Variants in RBBP8 observed in about 807,000 individuals in gnomAD.
The protein encoded by RBBP8 is RB binding protein 8, endonuclease, also known as DNA endonuclease RBBP8.
In RBBP8, 88 loss-of-function variants were observed where a neutral mutation model predicts 108.3. The observed-to-expected ratio is 0.81, with a 90% CI of 0.68 to 0.97. The LOEUF is 0.97. RBBP8 is among the 50% of genes least tolerant of loss of function. The probability of loss-of-function intolerance (pLI) is 0.00; values close to 1 mark genes in which losing one functional copy is unlikely to be tolerated. For synonymous variants in RBBP8, 332 were observed against 348.2 expected (o/e 0.95, Z 0.52); for missense variants, 1,023 against 1,049.0 (o/e 0.98, Z 0.34).
chr18:22,916,377 G>A (rs189676738), intron 2 of RBBP8, among the ~76,000 whole-genome samples: 169 of 152,048 alleles, frequency 1.1e-3, no homozygotes, highest in African/African-American at 3.9e-3. Context: ...TCATTTTTGA[G>A]TTAAGAAATG....
chr18:22,978,482 GC>G (rs1335675953), intron 6 of RBBP8, among the ~76,000 whole-genome samples: 1 of 151,684 alleles, frequency 6.6e-6, no homozygotes, highest in Non-Finnish European at 1.5e-5. Flanking sequence ...CTTAGTTTGG[GC>G]ACCTCTAGTT....
intron 4 of RBBP8, among the ~76,000 whole-genome samples, chr18:22,967,029 A>G (rs1913663496): frequency 6.6e-6 from 1 of 152,022 alleles, no homozygotes; most frequent in Non-Finnish European, 1.5e-5. Context: ...CTCTGCCAAC[A>G]CTTAAATACT....
chr18:23,016,841 C>T lies in RBBP8; in HGVS notation c.2371C>T (p.Gln791Ter). The change falls in exon 17 of 19, where the codon CAA (glutamine) becomes TAA (stop). Residue 791 changes from glutamine (Q) to a stop codon, truncating the protein, a stop_gained. Transcript: ENST00000327155. LOFTEE classifies it high-confidence loss of function. ...TTTTTCCCCCAGAGAGACTAGCTTGCAAAATTTTCCTCATATTGAGGTGGT... is the reference window on the plus strand; with the variant it reads ...TTTTTCCCCCAGAGAGACTAGCTTGTAAAATTTTCCTCATATTGAGGTGGT... ...FKGDERETSLQNFPHIEVVRK... is the reference protein window; with the variant it reads ...FKGDERETSL The T allele has an allele frequency of 1.2e-6, 2 of 1,613,256 alleles. No homozygotes were observed. Among genetic ancestry groups the T allele is most frequent in the Non-Finnish European group, 1.7e-6 (2 of 1,179,472 alleles).
upstream of RBBP8, among the ~76,000 whole-genome samples, chr18:22,932,077 G>A (rs1344025564): frequency 6.6e-6 from 1 of 152,122 alleles, no homozygotes; most frequent in Non-Finnish European, 1.5e-5. Flanking sequence ...CTTGGATATG[G>A]AAGTTAGGGA....
At chr18:23,021,887 C>T (rs2046351232) in intron 17 of RBBP8, among the ~76,000 whole-genome samples, 1 of 151,464 alleles carries the variant, frequency 6.6e-6, no homozygotes, top group Non-Finnish European at 1.5e-5. Flanking sequence ...CATTGTGATA[C>T]AAGCTCCTTT....
At chr18:22,951,542 C>A (rs918794052) in intron 4 of RBBP8, among the ~76,000 whole-genome samples, 5 of 152,172 alleles carry the variant, frequency 3.3e-5, no homozygotes, top group African/African-American at 1.2e-4. Context: ...GGAGGAGTTT[C>A]CCCTACCAAC....
Position 22,991,064 on chromosome 18 carries a change from G to A in RBBP8, c.920+15G>A, listed in dbSNP as rs773083095. On this transcript the variant is annotated intron_variant, in intron 10 of 18. Transcript: ENST00000327155. Reference sequence around the variant, plus strand: ...GATAGTTTAAGGTAATTAAGGGCACGTTGGTGAAAACTGATAAGCTATTGG... The same window carrying A: ...GATAGTTTAAGGTAATTAAGGGCACATTGGTGAAAACTGATAAGCTATTGG... 9.0e-6 allele frequency: 14 copies of A among 1,561,996 alleles called. No homozygotes were observed. Among genetic ancestry groups the A allele is most frequent in the South Asian group, 4.5e-5 (4 of 89,540 alleles).
chr18:23,006,909 G>A (rs57933377), intron 16 of RBBP8, among the ~76,000 whole-genome samples: 23,327 of 151,846 alleles, frequency 0.15, 2,278 homozygotes, highest in African/African-American at 0.28. Flanking sequence ...GCATAAAAAC[G>A]ACAAATTTTA....
chr18:22,930,163 C>T (rs1300271856), upstream of RBBP8, among the ~76,000 whole-genome samples: 1 of 152,158 alleles, frequency 6.6e-6, no homozygotes, highest in Admixed American at 6.5e-5. Context: ...TAAATTGGTG[C>T]CTAGATATAC....
At position 22,993,062 on chromosome 18, in the gene RBBP8, T is replaced by G; in HGVS notation, c.1235T>G (p.Ile412Arg). 2 of 1,612,798 alleles carry G rather than the reference T, an allele frequency of 1.2e-6. No homozygotes were observed. The highest frequency in any genetic ancestry group is 1.7e-6 in the Non-Finnish European group (2 of 1,178,996). ...AAACAGATACTTATAAATAAAAATATAAGTGAATCCCTAGGTGAACAGAAT... is the reference window on the plus strand; with the variant it reads ...AAACAGATACTTATAAATAAAAATAGAAGTGAATCCCTAGGTGAACAGAAT... Reference protein sequence around the residue: ...SNKQILINKNISESLGEQNRT... With the variant: ...SNKQILINKNRSESLGEQNRT... Residue 412 changes from isoleucine to arginine, a missense_variant, in exon 11 of 19, where the codon ATA becomes AGA. By Grantham distance (97) the Ile-to-Arg change is moderately conservative (BLOSUM62 -3). Coordinates refer to ENST00000327155, the MANE Select transcript of RBBP8 (RefSeq NM_002894.3).
At chr18:22,949,807 G>A (rs1911885741) in intron 4 of RBBP8, 94 bp downstream of exon 4, 2 of 930,770 alleles carry the variant, frequency 2.1e-6, no homozygotes, top group Admixed American at 1.9e-5. Flanking sequence ...GGGATTGAAA[G>A]TGATCTTTCC....
At chr18:22,976,480 A>AAG (rs1914505627) in intron 6 of RBBP8, among the ~76,000 whole-genome samples, 1 of 152,140 alleles carries the variant, frequency 6.6e-6, no homozygotes, top group Non-Finnish European at 1.5e-5. Context: ...CAATGGCAGA[A>AAG]TGCTGTTTAT....
At chr18:22,966,568 A>G (rs1174057614) in intron 4 of RBBP8, among the ~76,000 whole-genome samples, 1 of 79,686 alleles carries the variant, frequency 1.3e-5, no homozygotes, top group Non-Finnish European at 2.5e-5. Context: ...GTGAGACCCC[A>G]TCTCATTAAA....
chr18:23,014,206 A>G (rs2046218859), intron 16 of RBBP8, among the ~76,000 whole-genome samples: 1 of 151,726 alleles, frequency 6.6e-6, no homozygotes, highest in African/African-American at 2.4e-5. Flanking sequence ...GTGTTTCACC[A>G]TGTTGGCCAG....
intron 8 of RBBP8, among the ~76,000 whole-genome samples, chr18:22,986,099 G>GT (rs532574429): frequency 1.9e-4 from 29 of 150,780 alleles, no homozygotes; most frequent in Non-Finnish European, 2.7e-4. Flanking sequence ...ACATAGTAAG[G>GT]TTTTTTTTGC....
intron 4 of RBBP8, among the ~76,000 whole-genome samples, chr18:22,968,545 G>C (rs1349943612): frequency 6.6e-6 from 1 of 152,070 alleles, no homozygotes; most frequent in Admixed American, 6.5e-5. Flanking sequence ...ATTAAAACAA[G>C]GTCAGCTTCT....
intron 4 of RBBP8, among the ~76,000 whole-genome samples, chr18:22,960,594 A>G (rs1312402682): frequency 6.6e-6 from 1 of 152,174 alleles, no homozygotes; most frequent in East Asian, 1.9e-4. Context: ...GTCTCCCTTT[A>G]TAAAAAAAAA....
At position 22,984,298 on chromosome 18, in the gene RBBP8, A is replaced by G. The variant is rs369373551; in HGVS notation, c.605-588A>G. 6.4e-4 allele frequency among the ~76,000 whole-genome samples: 97 copies of G among 152,324 alleles called. 1 individual carries two copies. In the East Asian group the frequency reaches 7.5e-3, roughly 12 times the overall value. Reference sequence around the variant, plus strand: ...AGTGATTTCTGATAAAGCATGCTTCAGAGTTTCCTTCCCGAAAATAGAAAC... The same window carrying G: ...AGTGATTTCTGATAAAGCATGCTTCGGAGTTTCCTTCCCGAAAATAGAAAC... On this transcript the variant is annotated intron_variant, in intron 7 of 18. Transcript: ENST00000327155.
chr18:22,921,663 G>A (rs970079900), intron 3 of RBBP8, among the ~76,000 whole-genome samples: 2 of 152,184 alleles, frequency 1.3e-5, no homozygotes, highest in African/African-American at 4.8e-5. Context: ...AATTTCAAAT[G>A]GAGAGGAAGG....
Sources: allele counts gnomAD v4.1 joint callset (sites outside exome capture counted in the v4.1 genomes callset), GRCh38; gene constraint gnomAD v4.1.1; transcripts MANE v1.5; gene names NCBI Gene and HGNC (gene_info 2026-07-23, HGNC 2026-07-21).